The following EYA2 variants were observed in gnomAD, a reference collection of about 807,000 sequenced individuals.
EYA2 encodes EYA transcriptional coactivator and phosphatase 2.
Under a neutral mutation model 69.2 loss-of-function variants are expected in EYA2, and 31 were observed. That is an observed-to-expected ratio of 0.45 (90% CI 0.34 to 0.60). The LOEUF (loss-of-function observed/expected upper bound fraction) is 0.60. Among genes scored for constraint, EYA2 ranks in the 20% least tolerant of loss-of-function variants. EYA2 has a pLI of 0.02. For synonymous variants in EYA2, 257 were observed against 279.4 expected, an observed-to-expected ratio of 0.92 and a Z score of 0.80; for missense variants, 622 against 701.2, an observed-to-expected ratio of 0.89 and a Z score of 1.28.
intron 4 of EYA2, among the ~76,000 whole-genome samples, chr20:47,006,729 C>T (rs921159141): frequency 2.0e-4 from 30 of 152,092 alleles, no homozygotes; most frequent in African/African-American, 6.8e-4. Context: ...TGCCTAAAAC[C>T]GATGATCAGG....
At chr20:47,101,826 T>C (rs2032430884) in intron 9 of EYA2, among the ~76,000 whole-genome samples, 1 of 152,166 alleles carries the variant, frequency 6.6e-6, no homozygotes, top group African/African-American at 2.4e-5. Context: ...GTGACTGAGA[T>C]GAGACCTACA....
intron 2 of EYA2, 24 bp downstream of exon 2, chr20:46,990,143 G>C (rs755209926): frequency 6.6e-6 from 9 of 1,365,784 alleles, no homozygotes; most frequent in Non-Finnish European, 9.4e-6. Flanking sequence ...TGTGAGTTTG[G>C]GTCAACAGGT....
intron 5 of EYA2, among the ~76,000 whole-genome samples, chr20:47,019,388 C>T (rs893813619): frequency 8.5e-5 from 13 of 152,258 alleles, no homozygotes; most frequent in Admixed American, 1.3e-4. Context: ...AGGCATTTTG[C>T]AAGCCTGACA....
chr20:47,075,548 C>T (rs1039564153), intron 7 of EYA2, among the ~76,000 whole-genome samples: 1 of 151,940 alleles, frequency 6.6e-6, no homozygotes, highest in East Asian at 1.9e-4. Flanking sequence ...TGTGTACGGC[C>T]AGGAATATGT....
intron 1 of EYA2, among the ~76,000 whole-genome samples, chr20:46,966,759 G>A (rs979612090): frequency 6.6e-5 from 10 of 151,896 alleles, no homozygotes; most frequent in East Asian, 1.9e-4. Flanking sequence ...GCAGTGAGTC[G>A]GTATCATATT....
chr20:47,161,224 G>A, intron 10 of EYA2: 1 of 492,662 alleles, frequency 2.0e-6, no homozygotes, highest in Non-Finnish European at 3.7e-6. Flanking sequence ...TCCCCCAGTA[G>A]CCTCTGCACA....
chr20:47,164,890 G>A (rs2034149290), intron 10 of EYA2, among the ~76,000 whole-genome samples: 1 of 152,176 alleles, frequency 6.6e-6, no homozygotes, highest in Non-Finnish European at 1.5e-5. Flanking sequence ...AATGAGCTAA[G>A]TAGATATGTC....
chr20:47,147,144 G>A (rs1237165504), intron 10 of EYA2, among the ~76,000 whole-genome samples: 5 of 151,012 alleles, frequency 3.3e-5, no homozygotes, highest in African/African-American at 1.2e-4. Flanking sequence ...TGCCTCCTGG[G>A]TTCAAGCGAT....
At chr20:47,086,866 A>G (rs998717229) in intron 7 of EYA2, among the ~76,000 whole-genome samples, 2 of 151,284 alleles carry the variant, frequency 1.3e-5, no homozygotes, top group African/African-American at 4.9e-5. Context: ...TATTTTAGAC[A>G]TTTCTTAGAT....
chr20:46,975,356 G>C (rs1980396963), intron 1 of EYA2, among the ~76,000 whole-genome samples: 1 of 152,136 alleles, frequency 6.6e-6, no homozygotes, highest in East Asian at 1.9e-4. Flanking sequence ...AACTTTTTGT[G>C]AATCTAAAAC....
At chr20:47,139,859 C>T (rs1001419212) in intron 9 of EYA2, among the ~76,000 whole-genome samples, 3 of 152,232 alleles carry the variant, frequency 2.0e-5, no homozygotes, top group African/African-American at 7.2e-5. Context: ...TTGACCCCAA[C>T]ACACACATGC....
At chr20:47,082,996 C>G (rs1223044449) in intron 7 of EYA2, among the ~76,000 whole-genome samples, 5 of 151,964 alleles carry the variant, frequency 3.3e-5, no homozygotes, top group Non-Finnish European at 7.4e-5. Context: ...AAGTCTGAGA[C>G]CAGCCTGAGC....
intron 9 of EYA2, among the ~76,000 whole-genome samples, chr20:47,109,701 C>T (rs1260054341): frequency 6.6e-6 from 1 of 152,068 alleles, no homozygotes; most frequent in African/African-American, 2.4e-5. Context: ...GGTTTTAGAT[C>T]CTCCCACATT....
chr20:47,077,212 A>G (rs182969393), intron 7 of EYA2, among the ~76,000 whole-genome samples: 3 of 152,364 alleles, frequency 2.0e-5, no homozygotes, highest in African/African-American at 7.2e-5. Context: ...CTACACTATG[A>G]GCAACATGTG....
At chr20:46,926,828 G>A (rs1985436619) in intron 1 of EYA2, among the ~76,000 whole-genome samples, 1 of 152,176 alleles carries the variant, frequency 6.6e-6, no homozygotes, top group African/African-American at 2.4e-5. Context: ...CAACACCTTG[G>A]GTGTGGGAGC....
At chr20:47,018,043 G>A (rs1297859435) in intron 5 of EYA2, among the ~76,000 whole-genome samples, 1 of 152,188 alleles carries the variant, frequency 6.6e-6, no homozygotes, top group Non-Finnish European at 1.5e-5. Context: ...AAACTCCTGA[G>A]ACCCATCTCT....
At chr20:46,922,071 G>C (rs1985202898) in intron 1 of EYA2, among the ~76,000 whole-genome samples, 1 of 152,230 alleles carries the variant, frequency 6.6e-6, no homozygotes, top group Admixed American at 6.5e-5. Context: ...CAGAAGAGAA[G>C]GGAAGCAAGT....
At chr20:47,079,400 A>G (rs531546085) in intron 7 of EYA2, among the ~76,000 whole-genome samples, 2 of 152,180 alleles carry the variant, frequency 1.3e-5, no homozygotes, top group East Asian at 1.9e-4. Flanking sequence ...TTGCCCTTCT[A>G]CCTGCAGAGG....
At chr20:47,073,377 T>TAGCA (rs2031387472) in intron 6 of EYA2, among the ~76,000 whole-genome samples, 1 of 152,100 alleles carries the variant, frequency 6.6e-6, no homozygotes, top group African/African-American at 2.4e-5. Flanking sequence ...CCCCTAATGC[T>TAGCA]GTGTAGGTGC....
Sources: gnomAD v4.1 joint callset for allele counts (sites outside exome capture counted in the v4.1 genomes callset) on GRCh38, gnomAD v4.1.1 for gene constraint, MANE v1.5 for transcripts, NCBI Gene and HGNC (gene_info 2026-07-23, HGNC 2026-07-21) for gene names.